CACNA1C: variants seen among roughly 807,000 people sequenced by gnomAD.
CACNA1C encodes the protein calcium voltage-gated channel subunit alpha1 C.
A neutral mutation model predicts 229.0 loss-of-function variants in CACNA1C; 30 were observed. That is an observed-to-expected ratio of 0.13 (90% CI 0.10 to 0.18). The LOEUF (loss-of-function observed/expected upper bound fraction) is 0.18. Among genes scored for constraint, CACNA1C ranks in the 10% least tolerant of loss-of-function variants. The pLI is 1.00. For missense variants in CACNA1C, 1,658 were observed against 2,845.0 expected (o/e 0.58, Z 9.49); for synonymous variants, 1,114 against 1,132.5 (o/e 0.98, Z 0.33).
intron 3 of CACNA1C, among the ~76,000 whole-genome samples, chr12:2,332,951 A>G (rs751295252): frequency 1.3e-5 from 2 of 152,246 alleles, no homozygotes. Context: ...AGAAAACAAC[A>G]AATAAAGTAG....
chr12:2,380,770 A>T (rs549521371), intron 3 of CACNA1C, among the ~76,000 whole-genome samples: 3 of 152,308 alleles, frequency 2.0e-5, no homozygotes, highest in Non-Finnish European at 4.4e-5. Context: ...TGCATTTATT[A>T]TTTGTGTAGA....
chr12:2,542,680 G>A (rs1224569773), intron 9 of CACNA1C, among the ~76,000 whole-genome samples: 1 of 152,128 alleles, frequency 6.6e-6, no homozygotes, highest in Non-Finnish European at 1.5e-5. Context: ...TTATTCCAGG[G>A]AGAAAATGAC....
At position 2,632,710 on chromosome 12, in the gene CACNA1C, C is replaced by G. The variant is rs1313677383; in HGVS notation, c.3829-1587C>G. Among the ~76,000 whole-genome samples the G allele has an allele frequency of 6.6e-6, 1 of 152,178 alleles. No individual in the cohort carries two copies. Among genetic ancestry groups the G allele is most frequent in the Non-Finnish European group, 1.5e-5 (1 of 68,014 alleles). ...CAGCCAGCCTCCCCCAACCTACCAG[C>G]CTATCCCTAGCAAACCCATCCTCAG... On this transcript the variant is annotated intron_variant, in intron 29 of 46. Transcript: ENST00000399655. This position sits in a 1 kb window ranked among gnomAD's most constrained non-coding sequence, Gnocchi z 4.1.
chr12:2,420,148 T>TGTGTGTGTG (rs58661833), intron 3 of CACNA1C, among the ~76,000 whole-genome samples: 3 of 125,746 alleles, frequency 2.4e-5, no homozygotes, highest in South Asian at 2.7e-4. Context: ...TGTGTGTGTG[T>TGTGTGTGTG]AGGGGGAGGG....
intron 3 of CACNA1C, among the ~76,000 whole-genome samples, chr12:2,291,421 C>T (rs1048089845): frequency 7.2e-5 from 11 of 152,152 alleles, no homozygotes; most frequent in African/African-American, 2.7e-4. Flanking sequence ...CTCTCTTTCT[C>T]GACTGCTCTT....
chr12:2,611,930 A>G lies in CACNA1C; in HGVS notation c.3745A>G (p.Ile1249Val). The change falls in exon 29 of 47, where the codon ATC becomes GTC. Residue 1249 changes from isoleucine to valine, a missense_variant. Coordinates refer to ENST00000399655, the MANE Select transcript of CACNA1C (RefSeq NM_000719.7). ...QHYGQSCLFK[I>V]AMNILNMLFT... is the part of the protein sequence containing the mutation. Reference sequence around the variant, plus strand: ...CTACGGCCAGAGCTGCCTGTTCAAAATCGCCATGAACATCCTCAACATGCT... The same window carrying G: ...CTACGGCCAGAGCTGCCTGTTCAAAGTCGCCATGAACATCCTCAACATGCT... 6.2e-7 allele frequency: 1 copy of G among 1,613,494 alleles called. No individual in the cohort carries two copies. The highest frequency in any genetic ancestry group is 8.5e-7 in the Non-Finnish European group (1 of 1,179,492).
intron 3 of CACNA1C, among the ~76,000 whole-genome samples, chr12:2,366,787 C>T (rs2043508220): frequency 6.6e-6 from 1 of 152,164 alleles, no homozygotes; most frequent in South Asian, 2.1e-4. Context: ...GTTCCACAGG[C>T]TGTACAGGAA....
At chr12:2,158,891 G>A (rs773915440) in intron 3 of CACNA1C, among the ~76,000 whole-genome samples, 6 of 152,118 alleles carry the variant, frequency 3.9e-5, no homozygotes, top group Non-Finnish European at 8.8e-5. Flanking sequence ...GTGAGAGGGG[G>A]CCCTTCATAG....
rs778960966 is a variant in CACNA1C at position 2,593,356 on chromosome 12, A to G, written c.2663+11A>G. 4 of 1,613,414 alleles carry G rather than the reference A, an allele frequency of 2.5e-6. No individual in the cohort carries two copies. The Middle Eastern group carries it at 4.9e-4, about 200-fold the overall frequency. ...CAGCTCTAACAACAGGTGTGCAGCA[A>G]TGGTGGGGAAGGTGGGGTCCTGCTC... is the stretch of plus-strand genomic sequence containing the variant. On this transcript the variant is annotated intron_variant, in intron 19 of 46. Transcript: ENST00000399655.
At chr12:2,545,984 T>C (rs1197740852) in intron 9 of CACNA1C, among the ~76,000 whole-genome samples, 1 of 151,030 alleles carries the variant, frequency 6.6e-6, no homozygotes, top group Non-Finnish European at 1.5e-5. Context: ...TGTCTTCACA[T>C]GCTTCCATGT....
chr12:2,436,065 T>C (rs935267935), intron 3 of CACNA1C, among the ~76,000 whole-genome samples: 1 of 151,992 alleles, frequency 6.6e-6, no homozygotes, highest in Non-Finnish European at 1.5e-5. Flanking sequence ...AGATGGGTGG[T>C]CAGGGAGGCA....
At chr12:2,093,320 C>A (rs1024327517) in intron 1 of CACNA1C, among the ~76,000 whole-genome samples, 4 of 152,168 alleles carry the variant, frequency 2.6e-5, no homozygotes, top group Non-Finnish European at 5.9e-5. Context: ...AGTGGAGCCC[C>A]TGGTAGGCCT....
intron 30 of CACNA1C, among the ~76,000 whole-genome samples, chr12:2,642,035 G>A (rs918496309): frequency 9.9e-5 from 15 of 152,098 alleles, no homozygotes; most frequent in East Asian, 9.7e-4. Flanking sequence ...ACAGAGAGAC[G>A]GGCCTGAGAA....
At chr12:1,979,471 C>A (rs113466441) in intron 1 of CACNA1C, among the ~76,000 whole-genome samples, 4,144 of 151,010 alleles carry the variant, frequency 0.027, 95 homozygotes, top group Middle Eastern at 0.056. Flanking sequence ...GCCACCATGC[C>A]TGGCTAATTT....
intron 3 of CACNA1C, among the ~76,000 whole-genome samples, chr12:2,295,566 A>G (rs935656613): frequency 6.6e-6 from 1 of 152,220 alleles, no homozygotes; most frequent in African/African-American, 2.4e-5. Context: ...GTGTATTGAT[A>G]TCAATGATTC....
rs571820241 is a variant in CACNA1C, at chr12:2,135,843, A to T, written c.477+15413A>T. On this transcript the variant is annotated intron_variant, in intron 3 of 46. Coordinates refer to ENST00000399655, the MANE Select transcript of CACNA1C (RefSeq NM_000719.7). ...GCTGTGGTAGGCTCCACCCAGTTCG[A>T]GCTTCCCGGCTGCTTTGTTTACCTA... 7.7e-4 allele frequency among the ~76,000 whole-genome samples: 113 copies of T among 147,224 alleles called. 7 individuals carry two copies. Among genetic ancestry groups the T allele is most frequent in the East Asian group, 1.6e-3 (8 of 5,082 alleles).
intron 3 of CACNA1C, among the ~76,000 whole-genome samples, chr12:2,129,283 T>C (rs895206840): frequency 6.6e-6 from 1 of 152,204 alleles, no homozygotes; most frequent in Non-Finnish European, 1.5e-5. Context: ...TGGCAGCTTC[T>C]GGATGGGTCT....
chr12:2,035,676 G>T (rs1250013517), intron 1 of CACNA1C, among the ~76,000 whole-genome samples: 1 of 152,194 alleles, frequency 6.6e-6, no homozygotes, highest in Non-Finnish European at 1.5e-5. Flanking sequence ...CCTGCAGCCA[G>T]GTGTGCCTAT....
At chr12:2,474,664 G>A (rs1298272724) in intron 5 of CACNA1C, among the ~76,000 whole-genome samples, 1 of 150,718 alleles carries the variant, frequency 6.6e-6, no homozygotes, top group African/African-American at 2.4e-5. Context: ...GCTGAGGCAA[G>A]AGAATCACTT....
Sources: allele counts gnomAD v4.1 joint callset (sites outside exome capture counted in the v4.1 genomes callset), GRCh38; gene constraint gnomAD v4.1.1; non-coding constraint Gnocchi (gnomAD v3.1); transcripts MANE v1.5; gene names NCBI Gene and HGNC (gene_info 2026-07-23, HGNC 2026-07-21).